SYTL2: variants seen among roughly 807,000 people sequenced by gnomAD.
SYTL2 encodes the protein synaptotagmin like 2, also known as synaptotagmin-like protein 2.
A neutral mutation model predicts 198.7 loss-of-function variants in SYTL2; 165 were observed. That is an observed-to-expected ratio of 0.83 (90% confidence interval 0.73 to 0.94). The LOEUF is 0.94. Ranked by LOEUF, SYTL2 falls within the 40% of genes least tolerant of loss-of-function variation. The pLI is 0.00. For missense variants in SYTL2, 2,835 were observed against 2,582.8 expected, an observed-to-expected ratio of 1.10 and a Z score of -2.12; for synonymous variants, 966 against 917.7, an observed-to-expected ratio of 1.05 and a Z score of -0.95.
upstream of SYTL2, among the ~76,000 whole-genome samples, chr11:85,812,238 C>T (rs2093044270): frequency 6.6e-6 from 1 of 152,220 alleles, no homozygotes; most frequent in Non-Finnish European, 1.5e-5. Context: ...ATTTCCTGGA[C>T]TAGTGTTGTC....
At chr11:85,698,221 C>G (rs1339760842) in intron 17 of SYTL2, 143 bp from the exon 18 acceptor site, 8 of 613,270 alleles carry the variant, frequency 1.3e-5, no homozygotes, top group Non-Finnish European at 2.3e-5. Context: ...TAAATCTATA[C>G]AGTCTTAACT....
chr11:85,737,797 TC>T, intron 4 of SYTL2, 141 bp from the exon 5 acceptor site: 1 of 696,674 alleles, frequency 1.4e-6, no homozygotes, highest in Non-Finnish European at 2.4e-6. Context: ...AGAGAATTAT[TC>T]CCTATCCCAG....
chr11:85,820,381 C>A, the SYTL2 span, among the ~76,000 whole-genome samples: 1 of 152,172 alleles, frequency 6.6e-6, no homozygotes, highest in Non-Finnish European at 1.5e-5. Context: ...TCCCAGACTG[C>A]CCATGGCAAA....
At chr11:85,707,956 CA>C (rs11464135) in intron 14 of SYTL2, 1,344 of 85,730 alleles carry the variant, frequency 0.016, no homozygotes, top group South Asian at 0.075. Flanking sequence ...AGGCTGGTCT[CA>C]AAAAAAAAAA....
At chr11:85,839,513 C>A in the SYTL2 span, among the ~76,000 whole-genome samples, 39 of 152,286 alleles carry the variant, frequency 2.6e-4, no homozygotes, top group Non-Finnish European at 4.7e-4. Flanking sequence ...CATTTCTAGA[C>A]CCCACAAATA....
chr11:85,713,593 T>G (rs557006756), intron 12 of SYTL2, among the ~76,000 whole-genome samples: 2 of 152,248 alleles, frequency 1.3e-5, no homozygotes, highest in Non-Finnish European at 2.9e-5. Flanking sequence ...TGAGTTAAAG[T>G]CCTAGATCTA....
intron 1 of SYTL2, among the ~76,000 whole-genome samples, chr11:85,779,244 T>C (rs2092514740): frequency 6.6e-6 from 1 of 152,138 alleles, no homozygotes; most frequent in African/African-American, 2.4e-5. Flanking sequence ...CCCTTTGCCA[T>C]AGAAGAGTGT....
chr11:85,709,507 G>T lies in SYTL2; in HGVS notation c.5746-7C>A. 1 of 1,612,796 alleles carries T rather than the reference G, an allele frequency of 6.2e-7. No homozygotes were observed. The highest frequency in any genetic ancestry group is 8.5e-7 in the Non-Finnish European group (1 of 1,179,626). Reference sequence around the variant, plus strand: ...TCATCACACTGCCACTCACCTGAAAGCATCAGAAATACATAGTGTTTGTCT... The same window carrying T: ...TCATCACACTGCCACTCACCTGAAATCATCAGAAATACATAGTGTTTGTCT... On this transcript the variant is annotated splice_region_variant and splice_polypyrimidine_tract_variant and intron_variant, in intron 13 of 19. Transcript: ENST00000359152.
intron 11 of SYTL2, among the ~76,000 whole-genome samples, chr11:85,715,587 A>G (rs187316317): frequency 6.6e-6 from 1 of 152,220 alleles, no homozygotes; most frequent in Admixed American, 6.5e-5. Context: ...AAATCTAATG[A>G]AGGAAAAACT....
chr11:85,717,867 G>T, intron 10 of SYTL2: 1 of 332,676 alleles, frequency 3.0e-6, no homozygotes, highest in Non-Finnish European at 5.8e-6. Flanking sequence ...ACTAACTATA[G>T]GATCTTAGAA....
chr11:85,820,669 T>C, the SYTL2 span, among the ~76,000 whole-genome samples: 1 of 152,186 alleles, frequency 6.6e-6, no homozygotes, highest in Non-Finnish European at 1.5e-5. Context: ...TATACAGGGG[T>C]TGCTAAAGCC....
intron 7 of SYTL2, among the ~76,000 whole-genome samples, chr11:85,728,356 G>A (rs748752179): frequency 4.6e-5 from 7 of 151,874 alleles, no homozygotes; most frequent in East Asian, 3.9e-4. Flanking sequence ...GCGGGATCTC[G>A]GCTCACTGCA....
chr11:85,754,285 C>G (rs17148419), intron 2 of SYTL2, among the ~76,000 whole-genome samples: 8,688 of 152,124 alleles, frequency 0.057, 788 homozygotes, highest in African/African-American at 0.19. Context: ...CCCTGGAATT[C>G]TCTTCATATC....
At chr11:85,728,566 T>G (rs1001396950) in intron 7 of SYTL2, among the ~76,000 whole-genome samples, 1 of 152,190 alleles carries the variant, frequency 6.6e-6, no homozygotes, top group Non-Finnish European at 1.5e-5. Flanking sequence ...ATTACAGTCA[T>G]GAGCCACCAC....
chr11:85,715,343 G>C (rs956579819), intron 11 of SYTL2, among the ~76,000 whole-genome samples: 1 of 152,042 alleles, frequency 6.6e-6, no homozygotes, highest in African/African-American at 2.4e-5. Flanking sequence ...TAATGAATAA[G>C]TTAATATTTT....
At chr11:85,760,420 T>C (rs2092065585) in intron 1 of SYTL2, among the ~76,000 whole-genome samples, 1 of 152,208 alleles carries the variant, frequency 6.6e-6, no homozygotes, top group Admixed American at 6.5e-5. Context: ...TCTCTGAATG[T>C]GAACAAATAA....
At chr11:85,832,523 T>C in the SYTL2 span, among the ~76,000 whole-genome samples, 1 of 152,162 alleles carries the variant, frequency 6.6e-6, no homozygotes, top group East Asian at 1.9e-4. Context: ...AGAGAGTCAC[T>C]GAAATATAAC....
chr11:85,706,783 C>A (rs2085223017), intron 15 of SYTL2, among the ~76,000 whole-genome samples: 1 of 152,122 alleles, frequency 6.6e-6, no homozygotes, highest in Non-Finnish European at 1.5e-5. Context: ...TTTATAAGAT[C>A]ATTCTGGTTG....
In SYTL2 at chr11:85,725,738, T is replaced by C. The variant is rs1251517228; in HGVS notation, c.3620A>G (p.Asn1207Ser). ...TTTGTCTAGACTAGCAGTCAAAGAG[T>C]TCCGTTTAACCTTTGGATGAACTAC... ...KTVVHPKVKR[N>S]SLTASLDKLL... The change falls in exon 8 of 20, where the codon AAC (asparagine) becomes AGC (serine). Residue 1207 changes from asparagine to serine, a missense_variant. Asn to Ser is a conservative substitution (Grantham distance 46). Around this residue, in one of 3 missense-constraint regions of SYTL2, gnomAD observed 2,645 missense variants for 2,381.7 expected, o/e 1.11. Coordinates refer to ENST00000359152, the MANE Select transcript of SYTL2 (RefSeq NM_206927.4). 6.2e-7 allele frequency: 1 copy of C among 1,614,072 alleles called. No individual in the cohort carries two copies. Among genetic ancestry groups the C allele is most frequent in the Admixed American group, 1.7e-5 (1 of 60,022 alleles).
Sources: allele counts gnomAD v4.1 joint callset (sites outside exome capture counted in the v4.1 genomes callset), GRCh38; gene constraint gnomAD v4.1.1; regional missense constraint gnomAD v4.1.1; transcripts MANE v1.5; gene names NCBI Gene and HGNC (gene_info 2026-07-23, HGNC 2026-07-21).